The following FRMPD4 variants were observed in gnomAD, a reference collection of about 807,000 sequenced individuals.
FRMPD4 encodes the protein FERM and PDZ domain-containing protein 4.
Under a neutral mutation model 94.1 loss-of-function variants are expected in FRMPD4, and 22 were observed. That is an observed-to-expected ratio of 0.23 (90% CI 0.17 to 0.33). The LOEUF is 0.33. Among genes scored for constraint, FRMPD4 ranks in the 10% least tolerant of loss-of-function variants. The pLI is 1.00. For synonymous variants in FRMPD4, 631 were observed against 548.6 expected, an observed-to-expected ratio of 1.15 and a Z score of -2.10; for missense variants, 1,111 against 1,339.9, an observed-to-expected ratio of 0.83 and a Z score of 2.67.
chrX:12,363,862 GAAGCAGGTGATGGCCCT>G (rs2056034473), intron 1 of FRMPD4, among the ~76,000 whole-genome samples: 1 of 111,581 alleles, frequency 9.0e-6, no homozygotes, highest in East Asian at 2.8e-4. Context: ...TGCAAATAAA[GAAGCAGGTGATGGCCCT>G]AGTGTTAGCA....
chrX:12,553,180 G>GAAAA (rs370425548), intron 2 of FRMPD4, among the ~76,000 whole-genome samples: 10 of 108,492 alleles, frequency 9.2e-5, no homozygotes, highest in African/African-American at 3.4e-4. Context: ...AAGAAAGAAA[G>GAAAA]AAAGAAAGAA....
chrX:11,910,511 TC>T (rs1291804663), intron 3 of FRMPD4, among the ~76,000 whole-genome samples: 3 of 109,619 alleles, frequency 2.7e-5, no homozygotes, highest in Non-Finnish European at 5.7e-5. Flanking sequence ...CCTCCCAGGT[TC>T]AAGCTATTCT....
chrX:11,847,801 A>G (rs1431110725), intron 1 of FRMPD4, among the ~76,000 whole-genome samples: 1 of 98,938 alleles, frequency 1.0e-5, no homozygotes, highest in Non-Finnish European at 2.0e-5. Flanking sequence ...CAAACACCGC[A>G]TGTTCTCACT....
At position 12,723,290 on chromosome X, in the gene FRMPD4, A is replaced by T. The variant is rs1232489877; in HGVS notation, c.*1432A>T. 9.0e-6 allele frequency: 1 copy of T among 111,424 alleles called. No homozygotes were observed. Among genetic ancestry groups the T allele is most frequent in the Non-Finnish European group, 1.9e-5 (1 of 53,127 alleles). The allele number at this position is 111,424 out of a possible 1,213,427, so 9.2% of individuals were successfully genotyped here. On this transcript the variant is annotated 3_prime_UTR_variant, in exon 17 of 17. Transcript: ENST00000675598. ...CTGGGTCATTCAGTGCTCAAGTTACATGCACTCCTACTTAGACAGGTGGCT... is the reference window on the plus strand; with the variant it reads ...CTGGGTCATTCAGTGCTCAAGTTACTTGCACTCCTACTTAGACAGGTGGCT...
chrX:11,912,781 C>CA (rs759252236), intron 3 of FRMPD4, among the ~76,000 whole-genome samples: 1,661 of 85,224 alleles, frequency 0.019, 15 homozygotes, highest in African/African-American at 0.045. Flanking sequence ...AATGGAATTA[C>CA]AAAAAAAAAA....
intron 3 of FRMPD4, among the ~76,000 whole-genome samples, chrX:12,040,438 A>C (rs1292581437): frequency 9.2e-6 from 1 of 108,874 alleles, no homozygotes; most frequent in Non-Finnish European, 1.9e-5. Context: ...TCTCTTGTAG[A>C]CATCATATAG....
intron 3 of FRMPD4, among the ~76,000 whole-genome samples, chrX:12,086,609 G>C (rs911210518): frequency 4.5e-5 from 5 of 111,632 alleles, no homozygotes; most frequent in Non-Finnish European, 9.4e-5. Flanking sequence ...TTCAAAGATG[G>C]GGCAAGGTGA....
intron 1 of FRMPD4, among the ~76,000 whole-genome samples, chrX:12,149,821 A>G (rs1413415602): frequency 8.9e-6 from 1 of 111,878 alleles, no homozygotes; most frequent in Non-Finnish European, 1.9e-5. Context: ...AACACAGCAA[A>G]CTTCATTGTT....
intron 3 of FRMPD4, among the ~76,000 whole-genome samples, 169 bp from the exon 4 acceptor site, chrX:12,614,610 G>A (rs1245310541): frequency 8.9e-6 from 1 of 111,933 alleles, no homozygotes; most frequent in African/African-American, 3.2e-5. Context: ...GATTTAACTG[G>A]TCAGGGTAAA....
intron 3 of FRMPD4, among the ~76,000 whole-genome samples, chrX:12,048,604 T>C (rs1251447978): frequency 1.8e-5 from 2 of 111,941 alleles, no homozygotes; most frequent in African/African-American, 6.5e-5. Context: ...TTCTTCTAGG[T>C]TCTTATAGTT....
At position 12,723,980 on chromosome X, in the gene FRMPD4, C is replaced by T. The variant is rs773541470; in HGVS notation, c.*2122C>T. On this transcript the variant is annotated 3_prime_UTR_variant, in exon 17 of 17. Coordinates refer to ENST00000675598, the MANE Select transcript of FRMPD4 (RefSeq NM_001368397.1). ...GTAAAGTTCTTACCACAATACCTGGCAGAGAGTAAGTATTCAATTAATGTT... is the reference window on the plus strand; with the variant it reads ...GTAAAGTTCTTACCACAATACCTGGTAGAGAGTAAGTATTCAATTAATGTT... 1.3e-4 allele frequency: 14 copies of T among 111,904 alleles called. No homozygotes were observed. Among genetic ancestry groups the T allele is most frequent in the African/African-American group, 2.9e-4 (9 of 30,782 alleles). The allele number at this position is 111,904 out of a possible 1,213,427, so 9.2% of individuals were successfully genotyped here. A position where few individuals can be genotyped will look rare whatever the true frequency, so the allele number is the denominator to read the frequency against.
At chrX:12,055,777 G>A (rs2054850741) in intron 3 of FRMPD4, among the ~76,000 whole-genome samples, 1 of 111,602 alleles carries the variant, frequency 9.0e-6, no homozygotes, top group African/African-American at 3.3e-5. Flanking sequence ...AACTAGAGAG[G>A]ATGGAGGGTA....
chrX:12,582,362 A>G (rs2058875175), intron 2 of FRMPD4, among the ~76,000 whole-genome samples: 1 of 112,024 alleles, frequency 8.9e-6, no homozygotes, highest in African/African-American at 3.3e-5. Flanking sequence ...TCATTTTCCA[A>G]GGCTTAAAAA....
Position 12,583,611 on chromosome X carries a change from G to C in FRMPD4, c.159-26110G>C. ...TGAGCCTCAGTGCTGGTAAAGCCTC[G>C]CACCTGGCGGCCCCGCCCCCGGCCC... On this transcript the variant is annotated intron_variant, in intron 2 of 16. Coordinates refer to ENST00000675598, the MANE Select transcript of FRMPD4 (RefSeq NM_001368397.1). 4 of 507,846 alleles carry C rather than the reference G, an allele frequency of 7.9e-6. No individual in the cohort carries two copies. In the Admixed American group the frequency reaches 1.3e-4, roughly 16 times the overall value. The allele number at this position is 507,846 out of a possible 1,213,427, so 41.9% of individuals were successfully genotyped here. A position where few individuals can be genotyped will look rare whatever the true frequency, so the allele number is the denominator to read the frequency against.
rs756558876 is a variant in FRMPD4 at position 12,436,174 on chromosome X, T to G, written c.42-62506T>G. ...GAGCCCGCCATCACATCTGGCTAAT[T>G]TTTGTATTTTTAGTGGACACGGGTT... On this transcript the variant is annotated intron_variant, in intron 1 of 16. Coordinates refer to ENST00000675598, the MANE Select transcript of FRMPD4 (RefSeq NM_001368397.1). Among the ~76,000 whole-genome samples, 41 of 110,468 alleles carry G rather than the reference T, an allele frequency of 3.7e-4. 1 individual carries two copies. In the East Asian group the frequency reaches 0.011, roughly 30 times the overall value.
At chrX:12,571,041 T>C (rs1199083244) in intron 2 of FRMPD4, among the ~76,000 whole-genome samples, 1 of 112,457 alleles carries the variant, frequency 8.9e-6, no homozygotes, top group Non-Finnish European at 1.9e-5. Context: ...ATAAATGTTA[T>C]TTTTGTTTTA....
At chrX:11,907,530 C>T (rs1350278490) in intron 3 of FRMPD4, among the ~76,000 whole-genome samples, 1 of 111,856 alleles carries the variant, frequency 8.9e-6, no homozygotes, top group Non-Finnish European at 1.9e-5. Flanking sequence ...GGTGAGAGCC[C>T]TCTTCCAAGT....
At chrX:12,331,775 T>G (rs182235626) in intron 1 of FRMPD4, among the ~76,000 whole-genome samples, 707 of 41,923 alleles carry the variant, frequency 0.017, 77 homozygotes, top group African/African-American at 0.057. Context: ...AAATTATATA[T>G]TATATATTTA....
intron 3 of FRMPD4, among the ~76,000 whole-genome samples, chrX:11,903,963 G>A (rs982943731): frequency 1.8e-5 from 2 of 110,267 alleles, no homozygotes; most frequent in African/African-American, 6.6e-5. Flanking sequence ...AATTTTTTTT[G>A]TAGTGATGGG....
Sources: allele counts gnomAD v4.1 joint callset (sites outside exome capture counted in the v4.1 genomes callset), GRCh38; gene constraint gnomAD v4.1.1; transcripts MANE v1.5; gene names NCBI Gene and HGNC (gene_info 2026-07-23, HGNC 2026-07-21).